Variants in GCN1 observed in about 807,000 individuals in gnomAD.
The protein encoded by GCN1 is GCN1 activator of EIF2AK4, also known as stalled ribosome sensor GCN1.
Under a neutral mutation model 288.4 loss-of-function variants are expected in GCN1, and 90 were observed. That is an observed-to-expected ratio of 0.31 (90% CI 0.26 to 0.37). The LOEUF is 0.37. Ranked by LOEUF, GCN1 falls within the 10% of genes least tolerant of loss-of-function variation. The pLI is 1.00. For synonymous variants in GCN1, 1,386 were observed against 1,420.2 expected (o/e 0.98, Z 0.54); for missense variants, 2,586 against 3,419.9 (o/e 0.76, Z 6.08).
chr12:120,134,601 G>A lies in GCN1; in HGVS notation c.7134C>T (p.His2378=). 2 of 1,614,162 alleles carry A rather than the reference G, an allele frequency of 1.2e-6. No homozygotes were observed. Among genetic ancestry groups the A allele is most frequent in the Non-Finnish European group, 1.7e-6 (2 of 1,180,004 alleles). The change falls in exon 52 of 58, where the codon CAC becomes CAT. Residue 2378 remains histidine (H), a synonymous_variant. Transcript: ENST00000300648. The surrounding 1 kb of genome is among the most constrained non-coding windows in gnomAD (Gnocchi z 5.0). ...CTGTGAAGAGGGGGTCCACCTTAAT[G>A]TGGATGGAAATGAGCTTCCCCAGAG... ...ADALGKLISI[H]IKVDPLFTEL...
Position 120,144,984 on chromosome 12 carries a change from C to T in GCN1, c.5094G>A (p.Pro1698=), listed in dbSNP as rs374653044. The stretch of plus-strand genomic sequence containing the variant: ...CATAGGTCAGTGTCTCCATCAGCCA[C>T]GGCAGCAAGTCCTCAAAGCACGACT... ...MGESCFEDLL[P]WLMETLTYEQ... The change falls in exon 40 of 58, where the codon CCG becomes CCA. Residue 1698 remains proline, a synonymous_variant. Transcript: ENST00000300648. This position sits in a 1 kb window ranked among gnomAD's most constrained non-coding sequence, Gnocchi z 4.7. The T allele has an allele frequency of 2.4e-4, 394 of 1,613,994 alleles. No homozygotes were observed. Among genetic ancestry groups the T allele is most frequent in the Non-Finnish European group, 3.2e-4 (381 of 1,180,034 alleles).
chr12:120,180,669 C>T (rs554040710), intron 5 of GCN1, among the ~76,000 whole-genome samples: 3 of 151,766 alleles, frequency 2.0e-5, no homozygotes, highest in Admixed American at 6.6e-5. Flanking sequence ...ACTAGTGAGT[C>T]GTGTGAACTG....
chr12:120,133,425 G>A (rs904430802), intron 53 of GCN1, among the ~76,000 whole-genome samples: 3 of 152,144 alleles, frequency 2.0e-5, no homozygotes, highest in African/African-American at 7.2e-5. Flanking sequence ...ATGGAACTGG[G>A]ACAGAACCAG....
chr12:120,165,273 G>A (rs1029693147), intron 16 of GCN1, among the ~76,000 whole-genome samples: 1 of 152,092 alleles, frequency 6.6e-6, no homozygotes, highest in East Asian at 1.9e-4. Context: ...CTGGCCTCGT[G>A]ATCCACCTGC....
chr12:120,170,404 G>T, intron 14 of GCN1, 83 bp from the exon 15 acceptor site: 2 of 1,251,452 alleles, frequency 1.6e-6, no homozygotes, highest in Non-Finnish European at 2.3e-6. Context: ...CTAACCAGCT[G>T]TGAACCAGAC....
At chr12:120,190,212 G>C in intron 2 of GCN1, 86 bp downstream of exon 2, 2 of 714,672 alleles carry the variant, frequency 2.8e-6, no homozygotes, top group African/African-American at 2.1e-5. Context: ...GCAACAGTGA[G>C]AGACTCTGTC....
At chr12:120,164,555 A>C (rs939699952) in intron 17 of GCN1, 60 bp from the exon 18 acceptor site, 264 of 1,601,424 alleles carry the variant, frequency 1.6e-4, no homozygotes, top group Non-Finnish European at 2.1e-4. Context: ...TTCCACAGCC[A>C]ACCCTTCCAC....
At position 120,138,836 on chromosome 12, in the gene GCN1, G is replaced by C. The variant is rs764238046; in HGVS notation, c.6015C>G (p.Ser2005=). Residue 2005 remains serine, a synonymous_variant, in exon 46 of 58, where the codon TCC becomes TCG. Coordinates refer to ENST00000300648, the MANE Select transcript of GCN1 (RefSeq NM_006836.2). ...SRDAVLYFSE[S]LVPTARKALC... Reference sequence around the variant, plus strand: ...AAGCCTTCCTTGCCGTGGGCACGAGGGATTCAGAGAAATACAGCACCTGCA... The same window carrying C: ...AAGCCTTCCTTGCCGTGGGCACGAGCGATTCAGAGAAATACAGCACCTGCA... 1 of 1,612,662 alleles carries C rather than the reference G, an allele frequency of 6.2e-7. No individual in the cohort carries two copies. The highest frequency in any genetic ancestry group is 2.2e-5 in the East Asian group (1 of 44,836).
Position 120,183,614 on chromosome 12 carries a change from G to A in GCN1, c.381C>T (p.Val127=). 6.2e-7 allele frequency: 1 copy of A among 1,613,788 alleles called. No individual in the cohort carries two copies. Among genetic ancestry groups the A allele is most frequent in the Non-Finnish European group, 8.5e-7 (1 of 1,179,686 alleles). The change falls in exon 5 of 58, where the codon GTC becomes GTT. Residue 127 remains valine (V), a synonymous_variant. Coordinates refer to ENST00000300648, the MANE Select transcript of GCN1 (RefSeq NM_006836.2). The part of the protein sequence containing the change: ...LTWTCLLVRI[V]FPSRAKRQGD... ...CTTGTCGCTTGGCTCTCGATGGAAA[G>A]ACAATGCGCACCAGGAGGCAGGTCC...
Position 120,164,776 on chromosome 12 carries a change from A to G in GCN1, c.1613-55T>C. ...TTTTAAAATAGTTAAGTGTACACAT[A>G]CATACCAATACCCAGAAATAACTGG... On this transcript the variant is annotated intron_variant, in intron 16 of 57. Coordinates refer to ENST00000300648, the MANE Select transcript of GCN1 (RefSeq NM_006836.2). 2.9e-6 allele frequency: 3 copies of G among 1,045,788 alleles called. No homozygotes were observed. The South Asian group carries it at 4.0e-5, about 14-fold the overall frequency. 64.8% of individuals were successfully genotyped at this position (1,045,788 alleles called of 1,614,324 possible).
chr12:120,156,088 G>A lies in GCN1; in HGVS notation c.3313-369C>T, dbSNP rs978415729. Among the ~76,000 whole-genome samples the A allele has an allele frequency of 2.0e-5, 3 of 152,178 alleles. No homozygotes were observed. Among genetic ancestry groups the A allele is most frequent in the Non-Finnish European group, 1.5e-5 (1 of 68,024 alleles). On this transcript the variant is annotated intron_variant, in intron 28 of 57. Transcript: ENST00000300648. The surrounding 1 kb of genome is among the most constrained non-coding windows in gnomAD (Gnocchi z 5.8). ...CAGGAGGCTGTGGATCAGCAGGTAG[G>A]AACCACTGTCTTACCACTACAAGGG...
At chr12:120,162,822 C>G in intron 20 of GCN1, 25 bp downstream of exon 20, 1 of 1,612,228 alleles carries the variant, frequency 6.2e-7, no homozygotes. Context: ...GGACCTGAGG[C>G]CAGACCAGCT....
chr12:120,158,324 G>A lies in GCN1; in HGVS notation c.2905+136C>T, dbSNP rs917925916. 5 of 764,060 alleles carry A rather than the reference G, an allele frequency of 6.5e-6. No individual in the cohort carries two copies. The highest frequency in any genetic ancestry group is 2.7e-5 in the East Asian group (1 of 37,000). 47.3% of individuals were successfully genotyped at this position (764,060 alleles called of 1,614,324 possible). On this transcript the variant is annotated intron_variant, in intron 25 of 57. Transcript: ENST00000300648. This position sits in a 1 kb window ranked among gnomAD's most constrained non-coding sequence, Gnocchi z 4.3. ...GGGCTCACTGCAATTCACAGACTAC[G>A]AAGGTTCAATTCAGAAATCCTCCAT...
Position 120,159,881 on chromosome 12 carries a change from T to C in GCN1, c.2693A>G (p.Lys898Arg). 6.2e-7 allele frequency: 1 copy of C among 1,614,180 alleles called. No homozygotes were observed. The highest frequency in any genetic ancestry group is 8.5e-7 in the Non-Finnish European group (1 of 1,180,024). Reference protein sequence around the residue: ...LKSPLAAPRIKNPFLSLAACV... With the variant: ...LKSPLAAPRIRNPFLSLAACV... ...GGCAGCCAAGGACAAGAAGGGGTTCTTGATCCTGGGAGCAGCCAGGGGAGA... is the reference window on the plus strand; with the variant it reads ...GGCAGCCAAGGACAAGAAGGGGTTCCTGATCCTGGGAGCAGCCAGGGGAGA... Residue 898 changes from lysine to arginine, a missense_variant, in exon 24 of 58, where the codon AAG becomes AGG. Physicochemically the swap from Lys to Arg is conservative, Grantham distance 26. Transcript: ENST00000300648.
chr12:120,163,218 C>T lies in GCN1; in HGVS notation c.1890G>A (p.Val630=), dbSNP rs1877988462. The T allele has an allele frequency of 5.0e-6, 8 of 1,614,128 alleles. No homozygotes were observed. Among genetic ancestry groups the T allele is most frequent in the South Asian group, 1.1e-5 (1 of 91,080 alleles). The part of the protein sequence containing the change: ...LEALVTDAGE[V]TEAGKAYVPP... ...GCACGTAGGCCTTGCCTGCCTCAGT[C>T]ACCTCTCCAGCATCAGTCACCAAAG... is the stretch of plus-strand genomic sequence containing the variant. Residue 630 remains valine, a synonymous_variant, in exon 19 of 58, where the codon GTG becomes GTA. Coordinates refer to ENST00000300648, the MANE Select transcript of GCN1 (RefSeq NM_006836.2).
rs903179256 is a variant in GCN1, at chr12:120,153,117, GA to G, written c.4062+95del. ...ACAAGAACTGGGCTTTCAGGGCCCT[GA>G]TTGTCCAACTCCACCCCTAGTATCC... is the stretch of plus-strand genomic sequence containing the variant. On this transcript the variant is annotated intron_variant, in intron 33 of 57. Transcript: ENST00000300648. The surrounding 1 kb of genome is among the most constrained non-coding windows in gnomAD (Gnocchi z 4.4). 1.2e-5 allele frequency: 12 copies of G among 1,021,988 alleles called. No homozygotes were observed. The African/African-American group carries it at 1.4e-4, about 12-fold the overall frequency. The allele number at this position is 1,021,988 out of a possible 1,614,324, so 63.3% of individuals were successfully genotyped here.
chr12:120,194,662 C>T lies in GCN1; in HGVS notation c.18+18G>A. On this transcript the variant is annotated intron_variant, in intron 1 of 57. Transcript: ENST00000300648. ...ACCCAGTCCCTGGCCGCGTTGGCCC[C>T]GCAGCCGCCCGCCTCACCTGCGTGT... is the stretch of plus-strand genomic sequence containing the variant. 6.6e-7 allele frequency: 1 copy of T among 1,514,386 alleles called. No individual in the cohort carries two copies. The highest frequency in any genetic ancestry group is 2.6e-5 in the East Asian group (1 of 37,846). The allele number at this position is 1,514,386 out of a possible 1,614,324, so 93.8% of individuals were successfully genotyped here. A position where few individuals can be genotyped will look rare whatever the true frequency, so the allele number is the denominator to read the frequency against.
In GCN1 at chr12:120,164,348, G is replaced by A. The variant is rs1566310910; in HGVS notation, c.1836C>T (p.Leu612=). The change falls in exon 18 of 58, where the codon CTC becomes CTT. Residue 612 remains leucine (L), a synonymous_variant. Transcript: ENST00000300648. ...CAGATGCCCTCACCTTGTGAGAACTGAGGACAGTCTTCAGCTCCTCCAAGA... is the reference window on the plus strand; with the variant it reads ...CAGATGCCCTCACCTTGTGAGAACTAAGGACAGTCTTCAGCTCCTCCAAGA... The part of the protein sequence containing the change: ...HGLLEELKTV[L]SSHKVLPLEA... 6.2e-7 allele frequency: 1 copy of A among 1,613,906 alleles called. No homozygotes were observed. The highest frequency in any genetic ancestry group is 2.2e-5 in the East Asian group (1 of 44,882).
In GCN1 at chr12:120,149,719, G is replaced by T; in HGVS notation, c.4433C>A (p.Ala1478Asp). 1 of 1,612,450 alleles carries T rather than the reference G, an allele frequency of 6.2e-7. No homozygotes were observed. The highest frequency in any genetic ancestry group is 8.5e-7 in the Non-Finnish European group (1 of 1,178,538). ...FGDGNQYVRE[A>D]ADDCAKAVMS... ...CACAGCCTTGGCACAGTCATCTGCA[G>T]CCTCAAGGGGGGAGAAAACACATTC... The change falls in exon 36 of 58, where the codon GCT becomes GAT. Residue 1478 changes from alanine to aspartate, a missense_variant and splice_region_variant. Physicochemically the swap from Ala to Asp is moderately radical, Grantham distance 126. Coordinates refer to ENST00000300648, the MANE Select transcript of GCN1 (RefSeq NM_006836.2).
Sources: allele counts gnomAD v4.1 joint callset (sites outside exome capture counted in the v4.1 genomes callset), GRCh38; gene constraint gnomAD v4.1.1; non-coding constraint Gnocchi (gnomAD v3.1); transcripts MANE v1.5; gene names NCBI Gene and HGNC (gene_info 2026-07-23, HGNC 2026-07-21).